NR6A1: variants seen among roughly 807,000 people sequenced by gnomAD.
The protein encoded by NR6A1 is retinoic acid receptor-related testis-associated receptor.
Under a neutral mutation model 59.1 loss-of-function variants are expected in NR6A1, and 7 were observed. The observed-to-expected ratio is 0.12, with a 90% CI of 0.07 to 0.22. The LOEUF is 0.22. Ranked by LOEUF, NR6A1 falls within the 10% of genes least tolerant of loss-of-function variation. NR6A1 has a pLI of 1.00. For synonymous variants in NR6A1, 243 were observed against 236.1 expected (o/e 1.03, Z -0.27); for missense variants, 468 against 611.6 (o/e 0.77, Z 2.48).
chr9:124,540,005 A>ACCTTTAAGGGATT (rs1554725404), intron 5 of NR6A1, 28 bp downstream of exon 5: 1 of 1,574,392 alleles, frequency 6.4e-7, no homozygotes. Context: ...TCCCTAGATG[A>ACCTTTAAGGGATT]TGACCATGGG....
intron 2 of NR6A1, among the ~76,000 whole-genome samples, chr9:124,620,017 C>T (rs998902647): frequency 6.6e-6 from 1 of 152,078 alleles, no homozygotes. Flanking sequence ...GCCAAGATTG[C>T]GCCATTGCAC....
intron 2 of NR6A1, among the ~76,000 whole-genome samples, chr9:124,583,837 C>T (rs1418752443): frequency 6.6e-6 from 1 of 152,156 alleles, no homozygotes; most frequent in Non-Finnish European, 1.5e-5. Flanking sequence ...TCTGTACTCA[C>T]AAATGAGCAC....
chr9:124,713,533 G>C (rs561940032), intron 2 of NR6A1, among the ~76,000 whole-genome samples: 2 of 152,040 alleles, frequency 1.3e-5, no homozygotes, highest in Non-Finnish European at 2.9e-5. Context: ...GAAAGAACTC[G>C]TATAACTGAA....
intron 2 of NR6A1, among the ~76,000 whole-genome samples, chr9:124,690,490 T>C (rs1384134032): frequency 1.3e-5 from 2 of 152,100 alleles, no homozygotes; most frequent in Non-Finnish European, 2.9e-5. Flanking sequence ...TCAAAACCAA[T>C]CTAAATCAAG....
chr9:124,535,768 C>T, intron 7 of NR6A1, 110 bp downstream of exon 7: 1 of 1,340,012 alleles, frequency 7.5e-7, no homozygotes, highest in East Asian at 2.3e-5. Flanking sequence ...GATTCAAATC[C>T]AGGCCTATGA....
intron 1 of NR6A1, among the ~76,000 whole-genome samples, chr9:124,748,974 T>C (rs997769063): frequency 3.3e-5 from 5 of 151,404 alleles, no homozygotes; most frequent in African/African-American, 1.2e-4. Context: ...AAGAGTTACC[T>C]ATTATTGGCC....
intron 7 of NR6A1, among the ~76,000 whole-genome samples, chr9:124,529,288 T>C (rs1179913378): frequency 1.3e-5 from 2 of 152,242 alleles, no homozygotes; most frequent in Non-Finnish European, 2.9e-5. Flanking sequence ...ATCTTATTGA[T>C]ATTCCCAATA....
chr9:124,712,341 G>A (rs1186473759), intron 2 of NR6A1, among the ~76,000 whole-genome samples: 1 of 152,146 alleles, frequency 6.6e-6, no homozygotes, highest in Non-Finnish European at 1.5e-5. Flanking sequence ...GGGTGTAATG[G>A]CTCACACCTG....
chr9:124,666,275 C>CTTTTTTTT lies in NR6A1; in HGVS notation c.142+67025_142+67032dup, dbSNP rs922378385. Among the ~76,000 whole-genome samples the CTTTTTTTT allele has an allele frequency of 6.4e-4, 66 of 103,042 alleles. 5 individuals are homozygous for CTTTTTTTT. The highest frequency in any genetic ancestry group is 2.6e-3 in the African/African-American group (60 of 23,004). The allele number at this position is 103,042 out of a possible 152,430, so 67.6% of individuals were successfully genotyped here. A position where few individuals can be genotyped will look rare whatever the true frequency, so the allele number is the denominator to read the frequency against. ...TTGGCGGAATTACCTCTATGTGGTT[C>CTTTTTTTT]TTTTTTTTTTTTTTTTTTTTTGAGA... On this transcript the variant is annotated intron_variant, in intron 2 of 9. Transcript: ENST00000487099.
intron 2 of NR6A1, among the ~76,000 whole-genome samples, chr9:124,567,121 T>A (rs1038301789): frequency 6.8e-5 from 10 of 147,968 alleles, no homozygotes; most frequent in South Asian, 4.3e-4. Context: ...AAAAAAAAAA[T>A]AAATAAAAAT....
chr9:124,749,749 A>G (rs1438123811), intron 1 of NR6A1, among the ~76,000 whole-genome samples: 3 of 152,200 alleles, frequency 2.0e-5, no homozygotes, highest in African/African-American at 7.2e-5. Flanking sequence ...AGATACTAGT[A>G]TACCCTGCCC....
At chr9:124,524,239 G>T (rs1255725914) in intron 9 of NR6A1, among the ~76,000 whole-genome samples, 9 of 152,232 alleles carry the variant, frequency 5.9e-5, no homozygotes, top group African/African-American at 2.2e-4. Flanking sequence ...TTACAGGCAG[G>T]AGCCACTGTG....
intron 1 of NR6A1, among the ~76,000 whole-genome samples, chr9:124,756,672 G>A (rs1216541045): frequency 6.6e-6 from 1 of 152,180 alleles, no homozygotes; most frequent in Non-Finnish European, 1.5e-5. Context: ...AACCCATGCA[G>A]ATTTCTAAAG....
At chr9:124,613,240 C>A (rs539602142) in intron 2 of NR6A1, among the ~76,000 whole-genome samples, 2 of 152,122 alleles carry the variant, frequency 1.3e-5, no homozygotes, top group Non-Finnish European at 2.9e-5. Flanking sequence ...GGAGCTGACA[C>A]GGAAGGACCA....
Position 124,699,785 on chromosome 9 carries a change from C to A in NR6A1, c.142+33523G>T, listed in dbSNP as rs530231429. Among the ~76,000 whole-genome samples the A allele has an allele frequency of 6.0e-4, 91 of 152,324 alleles. 1 individual carries two copies. The South Asian group carries it at 0.018, about 31-fold the overall frequency. On this transcript the variant is annotated intron_variant, in intron 2 of 9. Transcript: ENST00000487099. The stretch of plus-strand genomic sequence containing the variant: ...AAAACTCCCTTTGTTCCTGTTTCCA[C>A]TCCCAACTTAGCCCCCAGACAACCA...
intron 2 of NR6A1, among the ~76,000 whole-genome samples, chr9:124,598,300 T>C (rs1835336114): frequency 6.6e-6 from 1 of 150,944 alleles, no homozygotes; most frequent in Admixed American, 6.6e-5. Context: ...TTGTGGCCTC[T>C]GAATAGTCAC....
intron 2 of NR6A1, among the ~76,000 whole-genome samples, chr9:124,637,299 A>T (rs1441003935): frequency 1.3e-5 from 2 of 152,232 alleles, no homozygotes; most frequent in African/African-American, 4.8e-5. Context: ...ACTGAATGTC[A>T]GGAGGAGACA....
chr9:124,652,835 G>GT (rs1837145346), intron 2 of NR6A1, among the ~76,000 whole-genome samples: 1 of 152,188 alleles, frequency 6.6e-6, no homozygotes, highest in Non-Finnish European at 1.5e-5. Flanking sequence ...GTAATGAGAT[G>GT]TAAGTGCTCT....
intron 7 of NR6A1, among the ~76,000 whole-genome samples, chr9:124,529,725 T>C (rs748119648): frequency 2.4e-4 from 37 of 152,290 alleles, no homozygotes; most frequent in Admixed American, 9.8e-4. Flanking sequence ...CTTGGGAGGA[T>C]GTCAGGTCTG....
Sources: allele counts gnomAD v4.1 joint callset (sites outside exome capture counted in the v4.1 genomes callset), GRCh38; gene constraint gnomAD v4.1.1; transcripts MANE v1.5; gene names NCBI Gene and HGNC (gene_info 2026-07-23, HGNC 2026-07-21).